The following RALGAPB variants were observed in gnomAD, a reference collection of about 807,000 sequenced individuals.
The protein encoded by RALGAPB is ral GTPase-activating protein subunit beta.
In RALGAPB, 25 loss-of-function variants were observed where a neutral mutation model predicts 161.1. The ratio of observed to expected loss-of-function variants is 0.16; its 90% CI spans 0.11 to 0.22. The LOEUF (loss-of-function observed/expected upper bound fraction) is 0.22. Among genes scored for constraint, RALGAPB ranks in the 10% least tolerant of loss-of-function variants. The pLI is 1.00. For synonymous variants in RALGAPB, 629 were observed against 626.1 expected, an observed-to-expected ratio of 1.00 and a Z score of -0.07; for missense variants, 1,391 against 1,815.2, an observed-to-expected ratio of 0.77 and a Z score of 4.25.
At chr20:38,564,580 T>C (rs1236421961) in intron 24 of RALGAPB, among the ~76,000 whole-genome samples, 2 of 152,236 alleles carry the variant, frequency 1.3e-5, no homozygotes, top group African/African-American at 4.8e-5. Flanking sequence ...TGGTCTTTTA[T>C]GTATTGCTAG....
intron 13 of RALGAPB, among the ~76,000 whole-genome samples, chr20:38,528,133 GT>G (rs1282818026): frequency 6.6e-6 from 1 of 151,980 alleles, no homozygotes; most frequent in African/African-American, 2.4e-5. Flanking sequence ...TTATTTATTT[GT>G]TTCTTTTTCC....
At chr20:38,475,080 A>AT (rs1433657030) in intron 1 of RALGAPB, among the ~76,000 whole-genome samples, 8 of 152,214 alleles carry the variant, frequency 5.3e-5, no homozygotes, top group Non-Finnish European at 1.0e-4. Flanking sequence ...ACATTGTTTG[A>AT]TTTTTAATGT....
At chr20:38,524,713 G>C in intron 10 of RALGAPB, 65 bp from the exon 11 acceptor site, 1 of 1,279,628 alleles carries the variant, frequency 7.8e-7, no homozygotes, top group Non-Finnish European at 1.1e-6. Flanking sequence ...TAACTATGTA[G>C]CAAATAATAA....
rs2088443569 is a variant in RALGAPB, at chr20:38,576,512, C to A, written c.*1545C>A. 1 of 152,194 alleles carries A rather than the reference C, an allele frequency of 6.6e-6. No homozygotes were observed. Among genetic ancestry groups the A allele is most frequent in the Non-Finnish European group, 1.5e-5 (1 of 68,026 alleles). 9.4% of individuals were successfully genotyped at this position (152,194 alleles called of 1,614,324 possible). On this transcript the variant is annotated 3_prime_UTR_variant, in exon 30 of 30. Transcript: ENST00000262879. The stretch of plus-strand genomic sequence containing the variant: ...GCTCTTGGTTTAAAGTTTGCCATAA[C>A]CTGTTCATGTTTGTTTTAAGCTCAG...
intron 13 of RALGAPB, among the ~76,000 whole-genome samples, chr20:38,528,918 A>G (rs958496592): frequency 6.6e-6 from 1 of 152,096 alleles, no homozygotes; most frequent in Non-Finnish European, 1.5e-5. Flanking sequence ...CTGATAGCAA[A>G]TGATCTACCT....
chr20:38,508,151 A>G (rs955439436), intron 5 of RALGAPB, among the ~76,000 whole-genome samples: 5 of 151,488 alleles, frequency 3.3e-5, no homozygotes, highest in Admixed American at 3.3e-4. Context: ...AAATAGCTAT[A>G]ATTTATAAGT....
At chr20:38,496,063 A>G (rs1405948072) in intron 3 of RALGAPB, among the ~76,000 whole-genome samples, 3 of 152,124 alleles carry the variant, frequency 2.0e-5, no homozygotes, top group Non-Finnish European at 4.4e-5. Flanking sequence ...AGCCAGAGCA[A>G]TAGACACAAG....
At chr20:38,574,378 A>T (rs1213436219) in intron 29 of RALGAPB, 80 bp downstream of exon 29, 2 of 1,439,668 alleles carry the variant, frequency 1.4e-6, no homozygotes, top group Non-Finnish European at 1.9e-6. Flanking sequence ...AGTAAAAATA[A>T]GGAAATGGTG....
intron 1 of RALGAPB, among the ~76,000 whole-genome samples, chr20:38,483,142 G>A (rs751876855): frequency 4.6e-5 from 7 of 152,164 alleles, no homozygotes; most frequent in Non-Finnish European, 7.4e-5. Flanking sequence ...GCCCGCCTCC[G>A]CCTCCCATGG....
Position 38,578,625 on chromosome 20 carries a change from T to C in RALGAPB, c.*3658T>C, listed in dbSNP as rs755533829. The C allele has an allele frequency of 2.0e-5, 3 of 152,628 alleles. No individual in the cohort carries two copies. Among genetic ancestry groups the C allele is most frequent in the Non-Finnish European group, 4.4e-5 (3 of 68,044 alleles). The allele number at this position is 152,628 out of a possible 1,614,324, so 9.5% of individuals were successfully genotyped here. On this transcript the variant is annotated 3_prime_UTR_variant, in exon 30 of 30. Transcript: ENST00000262879. The stretch of plus-strand genomic sequence containing the variant: ...TTCAGTATGTTGCCAAGACATGATT[T>C]TTTCTTATTGTATTTTCTGTAAATA...
intron 5 of RALGAPB, among the ~76,000 whole-genome samples, chr20:38,501,066 C>T (rs1416401578): frequency 6.6e-6 from 1 of 152,182 alleles, no homozygotes; most frequent in East Asian, 1.9e-4. Context: ...GGAGAAGCTG[C>T]AGCAAGTGAT....
chr20:38,511,642 G>A (rs2085958446), intron 6 of RALGAPB, among the ~76,000 whole-genome samples: 1 of 152,184 alleles, frequency 6.6e-6, no homozygotes, highest in Non-Finnish European at 1.5e-5. Context: ...AGAGCACGGG[G>A]TTGGGGGTAA....
chr20:38,539,868 A>G lies in RALGAPB; in HGVS notation c.2472A>G (p.Leu824=), dbSNP rs2086915366. The change falls in exon 17 of 30, where the codon TTA becomes TTG. Residue 824 remains leucine, a synonymous_variant. Coordinates refer to ENST00000262879, the MANE Select transcript of RALGAPB (RefSeq NM_020336.4). ...ATCAGTGTAGTCGGCCAGCTCCTTT[A>G]CACTCCAGGGATCTGCACTCCATGA... The part of the protein sequence containing the change: ...IVYQCSRPAP[L]HSRDLHSMIV... The G allele has an allele frequency of 1.2e-6, 2 of 1,614,096 alleles. No homozygotes were observed. The highest frequency in any genetic ancestry group is 3.3e-5 in the Admixed American group (2 of 60,026).
At chr20:38,497,276 A>C in intron 3 of RALGAPB, 77 bp from the exon 4 acceptor site, 3 of 1,379,770 alleles carry the variant, frequency 2.2e-6, no homozygotes, top group Non-Finnish European at 3.0e-6. Context: ...TGCTTGCTAC[A>C]TCCATAAGTC....
Position 38,565,380 on chromosome 20 carries a change from T to C in RALGAPB, c.3719T>C (p.Ile1240Thr), listed in dbSNP as rs1452061659. ...SQQEVISSED[I>T]GASIFNGQKK... The stretch of plus-strand genomic sequence containing the variant: ...GAAGAAGTGATTTCCTCTGAAGATA[T>C]TGGAGCTAGCATTTTCAATGGACAG... The change falls in exon 25 of 30, where the codon ATT (isoleucine) becomes ACT (threonine). Residue 1240 changes from isoleucine to threonine, a missense_variant. Around this residue, in one of 3 missense-constraint regions of RALGAPB, gnomAD observed 436 missense variants for 527.0 expected, o/e 0.83. Coordinates refer to ENST00000262879, the MANE Select transcript of RALGAPB (RefSeq NM_020336.4). The C allele has an allele frequency of 5.6e-6, 9 of 1,613,642 alleles. No individual in the cohort carries two copies. Among genetic ancestry groups the C allele is most frequent in the Non-Finnish European group, 7.6e-6 (9 of 1,179,686 alleles).
At chr20:38,506,300 C>T (rs1009874760) in intron 5 of RALGAPB, among the ~76,000 whole-genome samples, 1 of 145,348 alleles carries the variant, frequency 6.9e-6, no homozygotes, top group Non-Finnish European at 1.5e-5. Context: ...TTTTTCTTTC[C>T]TTTTTTTTTT....
chr20:38,546,192 A>G (rs575842768), intron 18 of RALGAPB, 51 bp from the exon 19 acceptor site: 17 of 1,609,908 alleles, frequency 1.1e-5, no homozygotes, highest in Non-Finnish European at 1.4e-5. Context: ...CACAAGGTAA[A>G]CTGAAGATTT....
At chr20:38,501,809 AT>A (rs1176266599) in intron 5 of RALGAPB, among the ~76,000 whole-genome samples, 5 of 152,044 alleles carry the variant, frequency 3.3e-5, no homozygotes, top group East Asian at 1.9e-4. Flanking sequence ...ATAGTGGAAA[AT>A]TTTTTTTGAA....
chr20:38,532,278 C>T (rs889435087), intron 14 of RALGAPB, among the ~76,000 whole-genome samples: 1 of 152,138 alleles, frequency 6.6e-6, no homozygotes, highest in Admixed American at 6.5e-5. Flanking sequence ...AGGATGGTCT[C>T]GATCTCCTGA....
Sources: allele counts gnomAD v4.1 joint callset (sites outside exome capture counted in the v4.1 genomes callset), GRCh38; gene constraint gnomAD v4.1.1; regional missense constraint gnomAD v4.1.1; transcripts MANE v1.5; gene names NCBI Gene and HGNC (gene_info 2026-07-23, HGNC 2026-07-21).